TCTN2: variants seen among roughly 807,000 people sequenced by gnomAD.
The protein encoded by TCTN2 is tectonic family member 2.
Under a neutral mutation model 83.4 loss-of-function variants are expected in TCTN2, and 66 were observed. That is an observed-to-expected ratio of 0.79 (90% CI 0.65 to 0.97). TCTN2 has a LOEUF of 0.97. TCTN2 is among the 50% of genes least tolerant of loss of function. TCTN2 has a pLI of 0.00. For missense variants in TCTN2, 794 were observed against 858.1 expected (o/e 0.93, Z 0.93); for synonymous variants, 301 against 326.7 (o/e 0.92, Z 0.85).
In TCTN2 at chr12:123,690,901, C is replaced by T. The variant is rs571827750; in HGVS notation, c.1033+227C>T. 3.9e-5 allele frequency among the ~76,000 whole-genome samples: 6 copies of T among 152,184 alleles called. No homozygotes were observed. The South Asian group carries it at 1.2e-3, about 32-fold the overall frequency. On this transcript the variant is annotated intron_variant, in intron 8 of 17. Transcript: ENST00000303372. Reference sequence around the variant, plus strand: ...ATAAATTTAGCCTTTTTGTTTGTTTCTCCGTCACGCAGGTTGGAGTGCAGT... The same window carrying T: ...ATAAATTTAGCCTTTTTGTTTGTTTTTCCGTCACGCAGGTTGGAGTGCAGT...
chr12:123,671,690 C>A, intron 2 of TCTN2, 76 bp downstream of exon 2: 1 of 1,385,802 alleles, frequency 7.2e-7, no homozygotes, highest in Non-Finnish European at 1.0e-6. Context: ...GGAGAGGTGG[C>A]ATCCTTGGGG....
intron 14 of TCTN2, among the ~76,000 whole-genome samples, chr12:123,700,497 A>G (rs1566261179): frequency 6.6e-6 from 1 of 152,132 alleles, no homozygotes; most frequent in Non-Finnish European, 1.5e-5. Flanking sequence ...CAATGGCACA[A>G]TCTCGGCTCA....
At chr12:123,684,023 C>G (rs952995288) in intron 5 of TCTN2, among the ~76,000 whole-genome samples, 2 of 152,154 alleles carry the variant, frequency 1.3e-5, no homozygotes, top group Admixed American at 1.3e-4. Flanking sequence ...AAGTCCCTCT[C>G]GTATTTGGGT....
rs1212555963 is a variant in TCTN2, at chr12:123,696,473, G to A, written c.1371G>A (p.Thr457=). The A allele has an allele frequency of 1.9e-6, 3 of 1,613,974 alleles. No homozygotes were observed. Among genetic ancestry groups the A allele is most frequent in the African/African-American group, 1.3e-5 (1 of 74,932 alleles). The stretch of plus-strand genomic sequence containing the variant: ...ATATCAACAGGATGAATAATGTCAC[G>A]ACTTTACATCTTTGGCAATCGGGTA... ...ALNINRMNNV[T]TLHLWQSAGR... Residue 457 remains threonine, a synonymous_variant, in exon 12 of 18, where the codon ACG becomes ACA. Coordinates refer to ENST00000303372, the MANE Select transcript of TCTN2 (RefSeq NM_024809.5).
intron 5 of TCTN2, among the ~76,000 whole-genome samples, chr12:123,684,422 A>G (rs1260776747): frequency 6.8e-6 from 1 of 146,114 alleles, no homozygotes; most frequent in Admixed American, 6.9e-5. Context: ...TTTTTTTAAG[A>G]CAGAGTCTTG....
chr12:123,687,094 T>TAA, intron 6 of TCTN2, 59 bp downstream of exon 6: 1 of 1,579,226 alleles, frequency 6.3e-7, no homozygotes, highest in Admixed American at 1.7e-5. Context: ...GGTGGGGCCA[T>TAA]ACTCTAGTAG....
At chr12:123,699,939 GC>G (rs1326037474) in intron 14 of TCTN2, 129 bp downstream of exon 14, 17 of 757,352 alleles carry the variant, frequency 2.2e-5, no homozygotes, top group Non-Finnish European at 3.8e-5. Flanking sequence ...CTGGACGTTT[GC>G]CCAGGGGTTA....
intron 4 of TCTN2, among the ~76,000 whole-genome samples, chr12:123,678,275 G>A (rs558352740): frequency 1.3e-5 from 2 of 152,212 alleles, no homozygotes; most frequent in Non-Finnish European, 2.9e-5. Flanking sequence ...ATTGAGATGT[G>A]CTGTAACTGT....
chr12:123,682,453 T>G (rs1955910176), intron 5 of TCTN2, among the ~76,000 whole-genome samples: 2 of 130,876 alleles, frequency 1.5e-5, no homozygotes, highest in African/African-American at 5.9e-5. Flanking sequence ...TTCTGGATTC[T>G]AGTTTCTTTT....
intron 2 of TCTN2, 30 bp downstream of exon 2, chr12:123,671,644 G>A: frequency 6.3e-7 from 1 of 1,594,176 alleles, no homozygotes; most frequent in Non-Finnish European, 8.6e-7. Context: ...TGGGGAGGGT[G>A]GGGGTTGGAC....
Position 123,687,105 on chromosome 12 carries a change from G to A in TCTN2, c.764+70G>A, listed in dbSNP as rs566803606. ...CCCTGGTGGGGCCATACTCTAGTAG[G>A]CCCTGCAACGCGGTCACGTTTTTCC... On this transcript the variant is annotated intron_variant, in intron 6 of 17. Coordinates refer to ENST00000303372, the MANE Select transcript of TCTN2 (RefSeq NM_024809.5). The A allele has an allele frequency of 5.5e-5, 87 of 1,577,758 alleles. No homozygotes were observed. The African/African-American group carries it at 1.1e-3, about 21-fold the overall frequency.
chr12:123,694,740 C>A, intron 9 of TCTN2, 102 bp from the exon 10 acceptor site: 1 of 1,280,162 alleles, frequency 7.8e-7, no homozygotes, highest in Non-Finnish European at 1.1e-6. Context: ...AGGGCAGGGG[C>A]AGGGCACTTG....
intron 3 of TCTN2, 34 bp downstream of exon 3, chr12:123,672,166 T>C: frequency 6.3e-7 from 1 of 1,577,756 alleles, no homozygotes; most frequent in Non-Finnish European, 8.7e-7. Context: ...CTGTAGCCTG[T>C]GAAGAGGCCC....
chr12:123,671,432 C>G (rs1955749152), intron 1 of TCTN2, 75 bp from the exon 2 acceptor site: 2 of 1,588,570 alleles, frequency 1.3e-6, no homozygotes, highest in Admixed American at 3.3e-5. Flanking sequence ...AACGCCAAAG[C>G]AAGCCGCCAC....
intron 6 of TCTN2, 87 bp downstream of exon 6, chr12:123,687,122 C>CAGG: frequency 6.7e-7 from 1 of 1,499,964 alleles, no homozygotes; most frequent in Non-Finnish European, 9.3e-7. Flanking sequence ...AACGCGGTCA[C>CAGG]GTTTTTCCCA....
chr12:123,688,272 A>C, intron 7 of TCTN2, 95 bp downstream of exon 7: 1 of 1,488,902 alleles, frequency 6.7e-7, no homozygotes, highest in East Asian at 2.4e-5. Flanking sequence ...GCTCAAGTGC[A>C]GTGCCAGATC....
chr12:123,688,907 C>G (rs749069555), intron 7 of TCTN2, among the ~76,000 whole-genome samples: 2 of 152,038 alleles, frequency 1.3e-5, no homozygotes, highest in Admixed American at 6.6e-5. Flanking sequence ...CAGGCATGCA[C>G]CACCACGCCC....
In TCTN2 at chr12:123,707,731, A is replaced by G. The variant is rs761332104; in HGVS notation, c.*18A>G. 1 of 1,599,392 alleles carries G rather than the reference A, an allele frequency of 6.3e-7. No homozygotes were observed. Among genetic ancestry groups the G allele is most frequent in the Non-Finnish European group, 8.6e-7 (1 of 1,166,830 alleles). On this transcript the variant is annotated 3_prime_UTR_variant, in exon 18 of 18. Coordinates refer to ENST00000303372, the MANE Select transcript of TCTN2 (RefSeq NM_024809.5). ...ATAGTTAGACAACCACCTGGCTTTT[A>G]TTTTTTTGAGATGGAGTTTTGCTCT...
At chr12:123,697,860 C>CTTT (rs536696616) in intron 13 of TCTN2, among the ~76,000 whole-genome samples, 1 of 136,540 alleles carries the variant, frequency 7.3e-6, no homozygotes, top group Non-Finnish European at 1.6e-5. Flanking sequence ...GGGTGATTAA[C>CTTT]TTTTTTTTTT....
Sources: allele counts gnomAD v4.1 joint callset (sites outside exome capture counted in the v4.1 genomes callset), GRCh38; gene constraint gnomAD v4.1.1; transcripts MANE v1.5; gene names NCBI Gene and HGNC (gene_info 2026-07-23, HGNC 2026-07-21).